DNM3: variants seen among roughly 807,000 people sequenced by gnomAD.
DNM3 encodes the protein dynamin 3.
DNM3 carries 47 observed loss-of-function variants against 101.6 expected under a neutral mutation model. The observed-to-expected ratio is 0.46, with a 90% CI of 0.37 to 0.59. The LOEUF is 0.59. Ranked by LOEUF, DNM3 falls within the 20% of genes least tolerant of loss-of-function variation. The pLI, the probability that DNM3 is intolerant of heterozygous loss-of-function variation, is 0.00. For synonymous variants in DNM3, 385 were observed against 387.9 expected (o/e 0.99, Z 0.09); for missense variants, 849 against 1,085.7 (o/e 0.78, Z 3.06).
chr1:171,991,573 A>G (rs2045632919), intron 4 of DNM3, among the ~76,000 whole-genome samples: 1 of 152,196 alleles, frequency 6.6e-6, no homozygotes, highest in Non-Finnish European at 1.5e-5. Context: ...ATCTCCAGCT[A>G]TCCAGAAGCT....
chr1:172,124,682 A>G (rs2056522265), intron 13 of DNM3, among the ~76,000 whole-genome samples: 1 of 152,198 alleles, frequency 6.6e-6, no homozygotes, highest in South Asian at 2.1e-4. Context: ...AGCTCTCCAC[A>G]GTTCCCTTCT....
chr1:171,984,981 A>T (rs1194272107), intron 2 of DNM3, among the ~76,000 whole-genome samples: 1 of 152,214 alleles, frequency 6.6e-6, no homozygotes, highest in Non-Finnish European at 1.5e-5. Context: ...TTGAGAACTC[A>T]TTTAAATCTA....
intron 4 of DNM3, among the ~76,000 whole-genome samples, chr1:171,997,422 T>C (rs2046073386): frequency 6.6e-6 from 1 of 152,158 alleles, no homozygotes. Flanking sequence ...TGGCTTGATT[T>C]GCTTCAGGAC....
intron 2 of DNM3, among the ~76,000 whole-genome samples, chr1:171,933,296 A>G (rs940270129): frequency 2.6e-5 from 4 of 152,210 alleles, no homozygotes; most frequent in African/African-American, 9.6e-5. Flanking sequence ...TTCACTGCTC[A>G]TGCAGTTTGC....
intron 2 of DNM3, among the ~76,000 whole-genome samples, chr1:171,949,891 T>G (rs1329333676): frequency 2.0e-5 from 3 of 152,166 alleles, no homozygotes; most frequent in Non-Finnish European, 4.4e-5. Context: ...AAGTTACACA[T>G]GTACCATATG....
intron 4 of DNM3, among the ~76,000 whole-genome samples, chr1:172,031,432 G>A (rs1015883681): frequency 3.3e-5 from 5 of 152,188 alleles, no homozygotes; most frequent in Admixed American, 6.5e-5. Flanking sequence ...GAGAGCATTA[G>A]GACAAATAGC....
intron 17 of DNM3, among the ~76,000 whole-genome samples, chr1:172,331,864 G>T (rs1214429955): frequency 6.6e-6 from 1 of 152,180 alleles, no homozygotes; most frequent in Non-Finnish European, 1.5e-5. Context: ...TGGTGTTTAG[G>T]TGGAAAGTCA....
At chr1:171,904,580 T>G (rs751088534) in intron 1 of DNM3, among the ~76,000 whole-genome samples, 3 of 152,068 alleles carry the variant, frequency 2.0e-5, no homozygotes, top group Non-Finnish European at 4.4e-5. Context: ...AGGAAAGACA[T>G]GAGGGTTTTC....
At chr1:171,998,220 A>G (rs2046129618) in intron 4 of DNM3, among the ~76,000 whole-genome samples, 1 of 152,192 alleles carries the variant, frequency 6.6e-6, no homozygotes, top group African/African-American at 2.4e-5. Flanking sequence ...CTTAAAAAAT[A>G]TAAAGAAGCC....
At chr1:171,873,371 C>A (rs938133521) in intron 1 of DNM3, among the ~76,000 whole-genome samples, 1 of 152,010 alleles carries the variant, frequency 6.6e-6, no homozygotes, top group Non-Finnish European at 1.5e-5. Flanking sequence ...TATTGAACAC[C>A]TACTGTGTGT....
chr1:172,066,283 A>G (rs2051656990), intron 10 of DNM3, among the ~76,000 whole-genome samples: 1 of 152,192 alleles, frequency 6.6e-6, no homozygotes. Flanking sequence ...CTGGGTATAC[A>G]GAAAAGGAAT....
chr1:171,998,676 T>TTATGAAGAAAAATAAGTGC, intron 4 of DNM3, among the ~76,000 whole-genome samples: 1 of 152,118 alleles, frequency 6.6e-6, no homozygotes, highest in South Asian at 2.1e-4. Context: ...ATGTCAGGTG[T>TTATGAAGAAAAATAAGTGC]TATGAAGAAA....
intron 14 of DNM3, among the ~76,000 whole-genome samples, chr1:172,234,812 A>G (rs377245002): frequency 0.046 from 7,035 of 152,218 alleles, 492 homozygotes; most frequent in African/African-American, 0.15. Flanking sequence ...GAAAGCTGAA[A>G]CTGGATCCCT....
intron 14 of DNM3, among the ~76,000 whole-genome samples, chr1:172,190,000 G>T (rs1205012812): frequency 6.8e-6 from 1 of 146,330 alleles, no homozygotes; most frequent in Non-Finnish European, 1.5e-5. Flanking sequence ...CCAACATTGG[G>T]AATCACATTT....
chr1:172,316,325 A>C (rs1048984841), intron 16 of DNM3, among the ~76,000 whole-genome samples: 1 of 152,156 alleles, frequency 6.6e-6, no homozygotes, highest in African/African-American at 2.4e-5. Flanking sequence ...AAGGAACTGC[A>C]TGAACTACTG....
intron 14 of DNM3, among the ~76,000 whole-genome samples, chr1:172,200,003 C>T (rs776566049): frequency 6.6e-6 from 1 of 152,044 alleles, no homozygotes; most frequent in Non-Finnish European, 1.5e-5. Context: ...TACAGTGACA[C>T]TGGTCCATGT....
chr1:172,238,094 A>G lies in DNM3; in HGVS notation c.1660-15479A>G, dbSNP rs576836679. Among the ~76,000 whole-genome samples, 14 of 152,274 alleles carry G rather than the reference A, an allele frequency of 9.2e-5. No individual in the cohort carries two copies. The East Asian group carries it at 2.7e-3, about 29-fold the overall frequency. On this transcript the variant is annotated intron_variant, in intron 14 of 20. Coordinates refer to ENST00000627582, the MANE Select transcript of DNM3 (RefSeq NM_015569.5). ...AATACATTACTACCACTTGGTGCAAACACAAGCACTAAAATTGAATGGTGG... is the reference window on the plus strand; with the variant it reads ...AATACATTACTACCACTTGGTGCAAGCACAAGCACTAAAATTGAATGGTGG...
intron 15 of DNM3, among the ~76,000 whole-genome samples, chr1:172,291,656 A>C (rs1011938981): frequency 1.3e-5 from 2 of 152,144 alleles, no homozygotes; most frequent in Non-Finnish European, 2.9e-5. Context: ...CATCTGGTAA[A>C]GTGAGAAAGC....
intron 4 of DNM3, among the ~76,000 whole-genome samples, chr1:171,998,069 A>G (rs2046116142): frequency 6.6e-6 from 1 of 152,146 alleles, no homozygotes; most frequent in South Asian, 2.1e-4. Flanking sequence ...GAAGTTGATC[A>G]CTGTCAAGCA....
Sources: allele counts gnomAD v4.1 joint callset (sites outside exome capture counted in the v4.1 genomes callset), GRCh38; gene constraint gnomAD v4.1.1; transcripts MANE v1.5; gene names NCBI Gene and HGNC (gene_info 2026-07-23, HGNC 2026-07-21).